PPM1B: variants seen among roughly 807,000 people sequenced by gnomAD.
The protein encoded by PPM1B is protein phosphatase, Mg2+/Mn2+ dependent 1B, also known as protein phosphatase 1B.
A neutral mutation model predicts 43.0 loss-of-function variants in PPM1B; 22 were observed. The ratio of observed to expected loss-of-function variants is 0.51; its 90% confidence interval spans 0.37 to 0.73. The LOEUF (loss-of-function observed/expected upper bound fraction) is 0.73, where lower values mean the gene tolerates loss of function less well. Ranked by LOEUF, PPM1B falls within the 30% of genes least tolerant of loss-of-function variation. The pLI is 0.00. For synonymous variants in PPM1B, 217 were observed against 197.9 expected, an observed-to-expected ratio of 1.10 and a Z score of -0.81; for missense variants, 632 against 584.2, an observed-to-expected ratio of 1.08 and a Z score of -0.84.
At chr2:44,194,134 T>G (rs1013270404) in intron 1 of PPM1B, among the ~76,000 whole-genome samples, 1 of 152,200 alleles carries the variant, frequency 6.6e-6, no homozygotes, top group African/African-American at 2.4e-5. Flanking sequence ...CATGGTTTTT[T>G]CCTTCTGATT....
intron 2 of PPM1B, among the ~76,000 whole-genome samples, chr2:44,204,713 G>T (rs970822507): frequency 6.6e-6 from 1 of 151,780 alleles, no homozygotes; most frequent in Non-Finnish European, 1.5e-5. Context: ...GAAAAAATCG[G>T]CCGGGCGTTG....
At chr2:44,188,739 TTTCCTTCC>T (rs557248948) in intron 1 of PPM1B, among the ~76,000 whole-genome samples, 7 of 148,478 alleles carry the variant, frequency 4.7e-5, no homozygotes, top group Admixed American at 1.4e-4. Flanking sequence ...TCCTTCCTTC[TTTCCTTCC>T]TTCCTTCCTT....
At chr2:44,185,164 C>T (rs1668060630) in intron 1 of PPM1B, among the ~76,000 whole-genome samples, 1 of 151,874 alleles carries the variant, frequency 6.6e-6, no homozygotes, top group African/African-American at 2.4e-5. Context: ...ATTGTATACT[C>T]TTTGATTTCT....
Position 44,209,323 on chromosome 2 carries a change from T to G in PPM1B, c.960T>G (p.Val320=). ...SELDKHLESR[V]EEIMEKSGEE... ...TGGATAAGCACTTGGAATCACGGGT[T>G]GAAGGTAAGACAAATGCTTTTTAAA... is the stretch of plus-strand genomic sequence containing the variant. The change falls in exon 3 of 6, where the codon GTT becomes GTG. Residue 320 remains valine (V), a synonymous_variant. Transcript: ENST00000282412. 6.2e-7 allele frequency: 1 copy of G among 1,613,936 alleles called. No homozygotes were observed. The highest frequency in any genetic ancestry group is 1.7e-5 in the Admixed American group (1 of 59,982).
intron 2 of PPM1B, among the ~76,000 whole-genome samples, chr2:44,204,062 A>G (rs1312764667): frequency 6.6e-6 from 1 of 152,218 alleles, no homozygotes; most frequent in Non-Finnish European, 1.5e-5. Flanking sequence ...GTTGGGGCCC[A>G]TGATTCATTC....
At chr2:44,214,781 G>A (rs923919669) in intron 3 of PPM1B, among the ~76,000 whole-genome samples, 1 of 152,182 alleles carries the variant, frequency 6.6e-6, no homozygotes, top group African/African-American at 2.4e-5. Context: ...CAAGGACAGA[G>A]AGGGAGCCTA....
At chr2:44,204,448 C>G (rs887074386) in intron 2 of PPM1B, among the ~76,000 whole-genome samples, 1 of 152,112 alleles carries the variant, frequency 6.6e-6, no homozygotes, top group East Asian at 1.9e-4. Context: ...TTTCTAACAC[C>G]TCCATCACTT....
intron 1 of PPM1B, among the ~76,000 whole-genome samples, chr2:44,179,480 GTCTC>G (rs199688818): frequency 6.6e-5 from 10 of 151,932 alleles, no homozygotes; most frequent in East Asian, 5.8e-4. Context: ...GATATTGAGA[GTCTC>G]TCTCTCTCTC....
intron 3 of PPM1B, among the ~76,000 whole-genome samples, chr2:44,214,706 A>G (rs1015602053): frequency 2.1e-4 from 32 of 152,186 alleles, no homozygotes; most frequent in African/African-American, 7.2e-4. Flanking sequence ...GAGTGGTCCT[A>G]TATCAAGTGT....
At chr2:44,219,930 C>T (rs936837954) in intron 5 of PPM1B, among the ~76,000 whole-genome samples, 46 of 147,088 alleles carry the variant, frequency 3.1e-4, no homozygotes, top group Admixed American at 2.3e-3. Context: ...GCAACAAGAG[C>T]GAAACTCCGT....
At chr2:44,199,046 C>T (rs1668795093) in intron 1 of PPM1B, among the ~76,000 whole-genome samples, 1 of 151,938 alleles carries the variant, frequency 6.6e-6, no homozygotes, top group African/African-American at 2.4e-5. Context: ...ATCACAAGGT[C>T]AGGAGTTCAA....
At chr2:44,234,073 A>G, downstream of PPM1B, 1 of 968,880 alleles carries the variant, frequency 1.0e-6, no homozygotes, top group Non-Finnish European at 1.2e-6. Flanking sequence ...GTGACATATT[A>G]CTATTTGGTA....
At position 44,189,663 on chromosome 2, in the gene PPM1B, C is replaced by T. The variant is rs531676640; in HGVS notation, c.-14-11523C>T. 4.2e-3 allele frequency among the ~76,000 whole-genome samples: 634 copies of T among 152,222 alleles called. 6 individuals carry two copies. Among genetic ancestry groups the T allele is most frequent in the African/African-American group, 0.014 (580 of 41,538 alleles). ...TATTTTTAGTAGAGATGGGGTTTCG[C>T]CATGTTGGCCAGGCTGGTCTCGAAC... On this transcript the variant is annotated intron_variant, in intron 1 of 5. Coordinates refer to ENST00000282412, the MANE Select transcript of PPM1B (RefSeq NM_002706.6).
At position 44,201,223 on chromosome 2, in the gene PPM1B, C is replaced by T. The variant is rs1255098339; in HGVS notation, c.24C>T (p.Pro8=). Residue 8 remains proline, a synonymous_variant, in exon 2 of 6, where the codon CCC becomes CCT. Transcript: ENST00000282412. The surrounding 1 kb of genome is among the most constrained non-coding windows in gnomAD (Gnocchi z 5.4). ...ACATGGGTGCATTTTTGGATAAACC[C>T]AAAACTGAAAAACATAATGCTCATG... MGAFLDK[P]KTEKHNAHGA... is the part of the protein sequence containing the mutation. The T allele has an allele frequency of 6.3e-7, 1 of 1,593,766 alleles. No individual in the cohort carries two copies. Among genetic ancestry groups the T allele is most frequent in the African/African-American group, 1.3e-5 (1 of 74,466 alleles).
chr2:44,170,145 G>C (rs1345489719), intron 1 of PPM1B, among the ~76,000 whole-genome samples: 1 of 152,170 alleles, frequency 6.6e-6, no homozygotes, highest in Non-Finnish European at 1.5e-5. Context: ...AGATTTAGCA[G>C]ATCTGGGACG....
intron 1 of PPM1B, among the ~76,000 whole-genome samples, chr2:44,193,993 C>T (rs1668533773): frequency 6.6e-6 from 1 of 152,188 alleles, no homozygotes; most frequent in Non-Finnish European, 1.5e-5. Flanking sequence ...GGGTTGCAGG[C>T]ATGAACTACT....
chr2:44,202,035 G>C lies in PPM1B; in HGVS notation c.836G>C (p.Cys279Ser). 6.4e-7 allele frequency: 1 copy of C among 1,564,422 alleles called. No individual in the cohort carries two copies. The highest frequency in any genetic ancestry group is 8.6e-7 in the Non-Finnish European group (1 of 1,156,806). ...GTGTGCAATTGGGTAGTGGACACTT[G>C]TTTACACAAGGTATGTAAACTTTTT... is the stretch of plus-strand genomic sequence containing the variant. Reference protein sequence around the residue: ...ENVCNWVVDTCLHKGSRDNMS... With the variant: ...ENVCNWVVDTSLHKGSRDNMS... The change falls in exon 2 of 6, where the codon TGT becomes TCT. Residue 279 changes from cysteine to serine, a missense_variant. Cys to Ser is a moderately radical substitution (Grantham distance 112). Transcript: ENST00000282412.
At chr2:44,179,701 A>G (rs189742571) in intron 1 of PPM1B, among the ~76,000 whole-genome samples, 2 of 152,304 alleles carry the variant, frequency 1.3e-5, no homozygotes, top group Admixed American at 1.3e-4. Flanking sequence ...CTATAAAATG[A>G]TGGTGCTAAT....
chr2:44,228,883 A>G (rs1033048739), intron 5 of PPM1B, among the ~76,000 whole-genome samples: 2 of 152,170 alleles, frequency 1.3e-5, no homozygotes, highest in Non-Finnish European at 2.9e-5. Flanking sequence ...GCAGCTCTTA[A>G]GAATGAAGAT....
Sources: gnomAD v4.1 joint callset for allele counts (sites outside exome capture counted in the v4.1 genomes callset) on GRCh38, gnomAD v4.1.1 for gene constraint, Gnocchi (gnomAD v3.1) non-coding constraint, MANE v1.5 for transcripts, NCBI Gene and HGNC (gene_info 2026-07-23, HGNC 2026-07-21) for gene names.